Variants in COL26A1 observed in about 807,000 individuals in gnomAD.
COL26A1 encodes collagen alpha-1(XXVI) chain.
A neutral mutation model predicts 59.3 loss-of-function variants in COL26A1; 41 were observed. That is an observed-to-expected ratio of 0.69 (90% CI 0.54 to 0.90). The LOEUF is 0.90. COL26A1 is among the 40% of genes least tolerant of loss of function. The pLI is 0.00. For synonymous variants in COL26A1, 266 were observed against 256.0 expected, an observed-to-expected ratio of 1.04 and a Z score of -0.37; for missense variants, 612 against 602.3, an observed-to-expected ratio of 1.02 and a Z score of -0.17.
intron 3 of COL26A1, among the ~76,000 whole-genome samples, chr7:101,489,845 T>C (rs1391585907): frequency 7.0e-5 from 2 of 28,642 alleles, no homozygotes; most frequent in East Asian, 8.8e-4. Context: ...TTTCTTTCTT[T>C]CTTTCTTTCT....
At chr7:101,499,846 C>T (rs1794663235) in intron 3 of COL26A1, among the ~76,000 whole-genome samples, 1 of 148,932 alleles carries the variant, frequency 6.7e-6, no homozygotes, top group Non-Finnish European at 1.5e-5. Context: ...CATCACTGCA[C>T]TCCAACCTGG....
intron 3 of COL26A1, among the ~76,000 whole-genome samples, chr7:101,453,344 T>C (rs1219376887): frequency 6.6e-6 from 1 of 152,192 alleles, no homozygotes; most frequent in East Asian, 1.9e-4. Flanking sequence ...TCCAGCCTGG[T>C]TGACAGAGCG....
At chr7:101,478,640 T>C (rs910723863) in intron 3 of COL26A1, among the ~76,000 whole-genome samples, 8 of 152,228 alleles carry the variant, frequency 5.3e-5, no homozygotes, top group Non-Finnish European at 1.2e-4. Flanking sequence ...TTTTTAACTT[T>C]TTATTTTGAA....
At chr7:101,412,202 A>G (rs1792257901) in intron 1 of COL26A1, among the ~76,000 whole-genome samples, 1 of 152,104 alleles carries the variant, frequency 6.6e-6, no homozygotes, top group Non-Finnish European at 1.5e-5. Context: ...GCCTCCCCAT[A>G]AGACATGCCC....
intron 3 of COL26A1, among the ~76,000 whole-genome samples, chr7:101,529,480 G>T (rs1282302491): frequency 6.6e-6 from 1 of 152,028 alleles, no homozygotes; most frequent in African/African-American, 2.4e-5. Flanking sequence ...TGTTGGCCAG[G>T]CTGGTCTCGA....
intron 1 of COL26A1, among the ~76,000 whole-genome samples, chr7:101,386,118 T>G (rs1383895959): frequency 1.3e-5 from 2 of 152,148 alleles, no homozygotes; most frequent in African/African-American, 4.8e-5. Flanking sequence ...GCAGAGGATG[T>G]CCGAAGTAGA....
intron 2 of COL26A1, among the ~76,000 whole-genome samples, chr7:101,445,731 C>CAAAAAAAAA (rs138245779): frequency 2.6e-5 from 1 of 38,444 alleles, no homozygotes. Context: ...GACTCCGTCT[C>CAAAAAAAAA]AAAAAAAAAA....
chr7:101,400,324 C>T (rs1341222058), intron 1 of COL26A1, among the ~76,000 whole-genome samples: 3 of 148,198 alleles, frequency 2.0e-5, no homozygotes, highest in African/African-American at 7.4e-5. Flanking sequence ...TTCCAGACCT[C>T]AGTCCACACT....
chr7:101,447,239 C>T (rs975604245), intron 2 of COL26A1, among the ~76,000 whole-genome samples: 6 of 152,162 alleles, frequency 3.9e-5, no homozygotes, highest in African/African-American at 7.2e-5. Flanking sequence ...CTCTTGCAGC[C>T]ATAGGCTGCA....
At chr7:101,492,089 G>T (rs1217903137) in intron 3 of COL26A1, among the ~76,000 whole-genome samples, 1 of 152,154 alleles carries the variant, frequency 6.6e-6, no homozygotes, top group Non-Finnish European at 1.5e-5. Flanking sequence ...GGCCAAGACA[G>T]TGGGGGCCAG....
chr7:101,557,321 A>C (rs139225243), intron 12 of COL26A1, 49 bp from the exon 13 acceptor site: 207 of 1,558,188 alleles, frequency 1.3e-4, no homozygotes, highest in Non-Finnish European at 1.8e-4. Flanking sequence ...TGTACCCCCA[A>C]GTGTTCCTAA....
chr7:101,551,759 A>T (rs1290484478), intron 10 of COL26A1, among the ~76,000 whole-genome samples: 2 of 152,008 alleles, frequency 1.3e-5, no homozygotes, highest in Non-Finnish European at 2.9e-5. Context: ...AAAAAAAAAA[A>T]AATTATGAGT....
At chr7:101,391,091 G>A (rs1454656055) in intron 1 of COL26A1, among the ~76,000 whole-genome samples, 2 of 152,210 alleles carry the variant, frequency 1.3e-5, no homozygotes, top group Admixed American at 1.3e-4. Context: ...ACAGAGCAGC[G>A]GAAGGAAAGG....
At chr7:101,484,346 C>T (rs1794222413) in intron 3 of COL26A1, among the ~76,000 whole-genome samples, 1 of 151,924 alleles carries the variant, frequency 6.6e-6, no homozygotes, top group Admixed American at 6.6e-5. Flanking sequence ...CAAAATTTCA[C>T]TCCACATCCT....
intron 3 of COL26A1, among the ~76,000 whole-genome samples, chr7:101,509,124 G>T (rs1480982033): frequency 6.6e-6 from 1 of 152,096 alleles, no homozygotes; most frequent in East Asian, 1.9e-4. Flanking sequence ...AGCCAGAGAT[G>T]GGGGAGGAAG....
At chr7:101,501,869 GTGCA>G (rs1794713453) in intron 3 of COL26A1, among the ~76,000 whole-genome samples, 1 of 152,076 alleles carries the variant, frequency 6.6e-6, no homozygotes, top group Non-Finnish European at 1.5e-5. Context: ...GTGCGTGTGT[GTGCA>G]TGCATGGGCC....
At chr7:101,553,409 C>T in intron 11 of COL26A1, 33 bp downstream of exon 11, 1 of 1,605,480 alleles carries the variant, frequency 6.2e-7, no homozygotes, top group Non-Finnish European at 8.5e-7. Flanking sequence ...TTCCCTCCCG[C>T]CTCCTTGGCT....
intron 1 of COL26A1, among the ~76,000 whole-genome samples, chr7:101,398,165 A>AT (rs1375138271): frequency 6.6e-6 from 1 of 152,188 alleles, no homozygotes; most frequent in Non-Finnish European, 1.5e-5. Flanking sequence ...CACTGCAGGA[A>AT]TCCCATGCTG....
At chr7:101,365,354 G>A (rs1222841733) in intron 1 of COL26A1, among the ~76,000 whole-genome samples, 1 of 152,158 alleles carries the variant, frequency 6.6e-6, no homozygotes, top group African/African-American at 2.4e-5. Context: ...ATGTTATGAA[G>A]AAGTCTAGGG....
Sources: allele counts gnomAD v4.1 joint callset (sites outside exome capture counted in the v4.1 genomes callset), GRCh38; gene constraint gnomAD v4.1.1; transcripts MANE v1.5; gene names NCBI Gene and HGNC (gene_info 2026-07-23, HGNC 2026-07-21).